Variants in OSBPL6 observed in about 807,000 individuals in gnomAD.
OSBPL6 encodes the protein oxysterol binding protein like 6, also known as oxysterol-binding protein-related protein 6.
OSBPL6 carries 49 observed loss-of-function variants against 125.8 expected under a neutral mutation model. That is an observed-to-expected ratio of 0.39 (90% CI 0.31 to 0.49). The LOEUF is 0.49. Among genes scored for constraint, OSBPL6 ranks in the 20% least tolerant of loss-of-function variants. The pLI is 0.88. For synonymous variants in OSBPL6, 394 were observed against 391.8 expected (o/e 1.01, Z -0.07); for missense variants, 986 against 1,135.4 (o/e 0.87, Z 1.89).
intron 1 of OSBPL6, among the ~76,000 whole-genome samples, chr2:178,262,765 G>A (rs1283951982): frequency 6.6e-6 from 1 of 152,098 alleles, no homozygotes; most frequent in Non-Finnish European, 1.5e-5. Flanking sequence ...CAGTGTTAGG[G>A]CATAGGCAAC....
chr2:178,327,835 G>C (rs372903727), intron 4 of OSBPL6, among the ~76,000 whole-genome samples: 1 of 152,088 alleles, frequency 6.6e-6, no homozygotes, highest in African/African-American at 2.4e-5. Context: ...GACAACAGCA[G>C]CCTTTCCATT....
intron 11 of OSBPL6, chr2:178,344,203 T>G: frequency 8.0e-7 from 1 of 1,244,484 alleles, no homozygotes; most frequent in Non-Finnish European, 1.2e-6. Flanking sequence ...CCTCTCCTTG[T>G]CTGATTATCT....
rs117610040 is a variant in OSBPL6 at position 178,236,627 on chromosome 2, C to T, written c.-351+41953C>T. Among the ~76,000 whole-genome samples the T allele has an allele frequency of 1.3e-3, 204 of 152,268 alleles. 2 individuals carry two copies. In the East Asian group the frequency reaches 0.037, roughly 27 times the overall value. On this transcript the variant is annotated intron_variant, in intron 1 of 24. Coordinates refer to ENST00000190611, the MANE Select transcript of OSBPL6 (RefSeq NM_032523.4). The stretch of plus-strand genomic sequence containing the variant: ...TGTGATTGGCTTTTGTAAACAGAGA[C>T]ATATTCTCAAGTAAGTGGTCTCCAA...
chr2:178,299,593 AAGCAGTGCATCCAG>A (rs1002404574), intron 2 of OSBPL6, among the ~76,000 whole-genome samples: 5 of 152,096 alleles, frequency 3.3e-5, no homozygotes, highest in Admixed American at 3.3e-4. Context: ...GTTAACCCAT[AAGCAGTGCATCCAG>A]AGTAGCCCAG....
chr2:178,250,447 T>G (rs1559161941), intron 1 of OSBPL6, among the ~76,000 whole-genome samples: 1 of 152,222 alleles, frequency 6.6e-6, no homozygotes, highest in Non-Finnish European at 1.5e-5. Flanking sequence ...ATGATCATCT[T>G]TTAAAAATGC....
chr2:178,280,652 G>A (rs1684068705), intron 1 of OSBPL6, among the ~76,000 whole-genome samples: 1 of 152,166 alleles, frequency 6.6e-6, no homozygotes, highest in African/African-American at 2.4e-5. Context: ...TAATAGATTA[G>A]TTTCTTACAG....
chr2:178,216,691 A>G (rs2090106881), intron 1 of OSBPL6, among the ~76,000 whole-genome samples: 1 of 152,242 alleles, frequency 6.6e-6, no homozygotes, highest in Non-Finnish European at 1.5e-5. Flanking sequence ...GCATAGTCTC[A>G]TAGTGTTTCT....
At chr2:178,213,235 C>T (rs998426465) in intron 1 of OSBPL6, among the ~76,000 whole-genome samples, 3 of 151,936 alleles carry the variant, frequency 2.0e-5, no homozygotes, top group East Asian at 3.9e-4. Flanking sequence ...CCTGCTTGAC[C>T]GCATCAAGTT....
intron 4 of OSBPL6, among the ~76,000 whole-genome samples, chr2:178,325,033 C>T (rs1574871580): frequency 6.6e-6 from 1 of 152,146 alleles, no homozygotes; most frequent in South Asian, 2.1e-4. Flanking sequence ...TCATGGGAGC[C>T]AGTGTTCCCT....
At chr2:178,385,085 G>T (rs548088960) in intron 18 of OSBPL6, among the ~76,000 whole-genome samples, 25 of 152,204 alleles carry the variant, frequency 1.6e-4, no homozygotes, top group Admixed American at 3.9e-4. Flanking sequence ...GGGCCTGTTG[G>T]GGGGTGGCGA....
At chr2:178,277,507 G>C (rs1052758181) in intron 1 of OSBPL6, among the ~76,000 whole-genome samples, 17 of 152,170 alleles carry the variant, frequency 1.1e-4, no homozygotes, top group African/African-American at 3.6e-4. Context: ...TTAGATCTAA[G>C]TTATATGCAA....
chr2:178,198,838 AGTT>A (rs1198471868), intron 1 of OSBPL6, among the ~76,000 whole-genome samples: 2 of 152,108 alleles, frequency 1.3e-5, no homozygotes, highest in African/African-American at 2.4e-5. Context: ...AATGTTAGGG[AGTT>A]GTTGTTATAG....
chr2:178,312,696 T>C (rs1404888256), intron 3 of OSBPL6, among the ~76,000 whole-genome samples: 1 of 151,794 alleles, frequency 6.6e-6, no homozygotes, highest in African/African-American at 2.4e-5. Flanking sequence ...CCTCAAGTGA[T>C]CCACCCACCT....
intron 15 of OSBPL6, among the ~76,000 whole-genome samples, chr2:178,380,190 T>A (rs1431522009): frequency 6.6e-6 from 1 of 152,110 alleles, no homozygotes; most frequent in Admixed American, 6.6e-5. Flanking sequence ...GGCTCATACC[T>A]GTAATACCAG....
At chr2:178,367,672 T>C (rs546838958) in intron 13 of OSBPL6, among the ~76,000 whole-genome samples, 2 of 152,334 alleles carry the variant, frequency 1.3e-5, no homozygotes, top group South Asian at 4.1e-4. Flanking sequence ...AGTAACTTCT[T>C]TTACGCATTG....
intron 8 of OSBPL6, among the ~76,000 whole-genome samples, chr2:178,335,785 G>A (rs1689625091): frequency 6.6e-6 from 1 of 152,096 alleles, no homozygotes. Flanking sequence ...TTAATGGAAA[G>A]CTATAGATAA....
chr2:178,246,909 A>G (rs1015382786), intron 1 of OSBPL6, among the ~76,000 whole-genome samples: 7 of 152,136 alleles, frequency 4.6e-5, no homozygotes, highest in African/African-American at 1.7e-4. Flanking sequence ...CTTCACAATC[A>G]CTAGCAGCTG....
intron 3 of OSBPL6, among the ~76,000 whole-genome samples, chr2:178,314,916 G>A (rs1023219439): frequency 2.6e-5 from 4 of 152,200 alleles, no homozygotes; most frequent in African/African-American, 4.8e-5. Context: ...TGTATACTTT[G>A]AAGTGAACCT....
At chr2:178,200,951 C>T (rs147280754) in intron 1 of OSBPL6, among the ~76,000 whole-genome samples, 4,575 of 151,966 alleles carry the variant, frequency 0.03, 96 homozygotes, top group South Asian at 0.088. Context: ...CCCGCCAGCA[C>T]GCCTGGCTAA....
Sources: gnomAD v4.1 joint callset for allele counts (sites outside exome capture counted in the v4.1 genomes callset) on GRCh38, gnomAD v4.1.1 for gene constraint, MANE v1.5 for transcripts, NCBI Gene and HGNC (gene_info 2026-07-23, HGNC 2026-07-21) for gene names.